The following AUTS2 variants were observed in gnomAD, a reference collection of about 807,000 sequenced individuals.
AUTS2 encodes autism susceptibility gene 2 protein.
A neutral mutation model predicts 112.4 loss-of-function variants in AUTS2; 17 were observed. The observed-to-expected ratio is 0.15, with a 90% CI of 0.10 to 0.23. The LOEUF is 0.23. Ranked by LOEUF, AUTS2 falls within the 10% of genes least tolerant of loss-of-function variation. AUTS2 has a pLI of 1.00. For synonymous variants in AUTS2, 751 were observed against 702.7 expected (o/e 1.07, Z -1.09); for missense variants, 1,510 against 1,701.6 (o/e 0.89, Z 1.98).
At chr7:70,395,105 A>T (rs893594874) in intron 4 of AUTS2, among the ~76,000 whole-genome samples, 1 of 151,552 alleles carries the variant, frequency 6.6e-6, no homozygotes, top group Non-Finnish European at 1.5e-5. Context: ...GAGGAGATTG[A>T]CCACTGTGGT....
intron 2 of AUTS2, among the ~76,000 whole-genome samples, chr7:70,056,063 C>A (rs2129560022): frequency 1.3e-5 from 2 of 152,212 alleles, no homozygotes; most frequent in Admixed American, 1.3e-4. Flanking sequence ...TCTTGGCTCA[C>A]TGCAACCTCC....
intron 1 of AUTS2, among the ~76,000 whole-genome samples, chr7:69,702,563 A>G (rs543202334): frequency 2.6e-5 from 4 of 152,146 alleles, no homozygotes; most frequent in Non-Finnish European, 5.9e-5. Flanking sequence ...TCATGGGGGC[A>G]GTGGTTACTA....
At position 70,722,166 on chromosome 7, in the gene AUTS2, A is replaced by G. The variant is rs200666111; in HGVS notation, c.742+23546A>G. 9.2e-5 allele frequency among the ~76,000 whole-genome samples: 14 copies of G among 152,160 alleles called. No homozygotes were observed. The East Asian group carries it at 2.7e-3, about 29-fold the overall frequency. ...GCCCCAACCCCTTTTAAAATCTTTAAATGACATCAGCAGTTTAAAGAGCCC... is the reference window on the plus strand; with the variant it reads ...GCCCCAACCCCTTTTAAAATCTTTAGATGACATCAGCAGTTTAAAGAGCCC... On this transcript the variant is annotated intron_variant, in intron 6 of 18. Transcript: ENST00000342771.
intron 1 of AUTS2, among the ~76,000 whole-genome samples, chr7:69,747,912 A>C (rs1787571820): frequency 6.6e-6 from 1 of 152,096 alleles, no homozygotes; most frequent in Admixed American, 6.6e-5. Flanking sequence ...GGCATGAAGC[A>C]TGCAGAGTTC....
At chr7:70,094,218 A>G (rs186067072) in intron 2 of AUTS2, among the ~76,000 whole-genome samples, 3 of 152,328 alleles carry the variant, frequency 2.0e-5, no homozygotes, top group African/African-American at 4.8e-5. Context: ...TCTAGGGGGA[A>G]TTATGTATGT....
At chr7:70,480,600 T>C (rs1418102417) in intron 5 of AUTS2, among the ~76,000 whole-genome samples, 1 of 152,148 alleles carries the variant, frequency 6.6e-6, no homozygotes. Context: ...AGATGATACG[T>C]ATACCCAAGA....
chr7:70,788,261 G>A (rs985084650), intron 18 of AUTS2, among the ~76,000 whole-genome samples: 9 of 151,920 alleles, frequency 5.9e-5, no homozygotes, highest in African/African-American at 1.7e-4. Flanking sequence ...AATTTGATCC[G>A]AATCTTTAAT....
chr7:70,151,335 C>T (rs1421596924), intron 4 of AUTS2, among the ~76,000 whole-genome samples: 1 of 152,162 alleles, frequency 6.6e-6, no homozygotes, highest in Non-Finnish European at 1.5e-5. Flanking sequence ...TAGCCAGGAA[C>T]AGTGCTGATT....
chr7:70,013,918 A>G (rs1415238022), intron 2 of AUTS2, among the ~76,000 whole-genome samples: 2 of 151,950 alleles, frequency 1.3e-5, no homozygotes, highest in African/African-American at 2.4e-5. Context: ...GATTTTCACC[A>G]TGTTGGCCAG....
At chr7:70,478,603 A>G (rs531194983) in intron 5 of AUTS2, among the ~76,000 whole-genome samples, 1 of 152,314 alleles carries the variant, frequency 6.6e-6, no homozygotes, top group South Asian at 2.1e-4. Context: ...ATATGCAAAT[A>G]TGATGGCACC....
At chr7:70,770,184 G>A (rs1368984757) in intron 10 of AUTS2, among the ~76,000 whole-genome samples, 1 of 152,188 alleles carries the variant, frequency 6.6e-6, no homozygotes, top group Non-Finnish European at 1.5e-5. Context: ...ATGCACTCAA[G>A]TATCTAAAAC....
At chr7:69,767,704 A>ATGTGAT (rs1283860846) in intron 1 of AUTS2, among the ~76,000 whole-genome samples, 1 of 152,176 alleles carries the variant, frequency 6.6e-6, no homozygotes, top group African/African-American at 2.4e-5. Context: ...TGGTTTATGT[A>ATGTGAT]TGTGATCATT....
intron 4 of AUTS2, among the ~76,000 whole-genome samples, chr7:70,163,366 G>GGGGGGGGGGGGGA (rs1808216651): frequency 8.7e-6 from 1 of 114,808 alleles, no homozygotes; most frequent in African/African-American, 3.1e-5. Context: ...GGGCAGAGGG[G>GGGGGGGGGGGGGA]GAGGGAGAAG....
At chr7:69,720,700 T>A (rs929844089) in intron 1 of AUTS2, among the ~76,000 whole-genome samples, 4 of 152,122 alleles carry the variant, frequency 2.6e-5, no homozygotes, top group Non-Finnish European at 5.9e-5. Flanking sequence ...TTGGGTAAGA[T>A]TTTATAAGTC....
intron 5 of AUTS2, among the ~76,000 whole-genome samples, chr7:70,640,045 A>C (rs1805730577): frequency 6.6e-6 from 1 of 152,114 alleles, no homozygotes; most frequent in Non-Finnish European, 1.5e-5. Flanking sequence ...TTTAGGGATT[A>C]AGGCTGTCAG....
intron 1 of AUTS2, among the ~76,000 whole-genome samples, chr7:69,654,694 T>A (rs1036265901): frequency 6.6e-6 from 1 of 152,196 alleles, no homozygotes; most frequent in South Asian, 2.1e-4. Flanking sequence ...CCAGGATAGC[T>A]GGACTTGTGA....
At position 70,295,260 on chromosome 7, in the gene AUTS2, A is replaced by G. The variant is rs370253641; in HGVS notation, c.661-140492A>G. Reference sequence around the variant, plus strand: ...CTATCTGTCTATTAAGTGGCATTCTAGTGGCCTCCAAGAGTTGAGTACTTT... The same window carrying G: ...CTATCTGTCTATTAAGTGGCATTCTGGTGGCCTCCAAGAGTTGAGTACTTT... On this transcript the variant is annotated intron_variant, in intron 4 of 18. Coordinates refer to ENST00000342771, the MANE Select transcript of AUTS2 (RefSeq NM_015570.4). Among the ~76,000 whole-genome samples the G allele has an allele frequency of 6.6e-5, 10 of 152,276 alleles. No individual in the cohort carries two copies. In the East Asian group the frequency reaches 1.7e-3, roughly 26 times the overall value.
chr7:69,710,715 C>G (rs750533552), intron 1 of AUTS2, among the ~76,000 whole-genome samples: 2 of 152,230 alleles, frequency 1.3e-5, no homozygotes, highest in Non-Finnish European at 2.9e-5. Context: ...TGGCTCGACT[C>G]TGACTGTGAA....
At chr7:69,691,706 C>G (rs1797354244) in intron 1 of AUTS2, among the ~76,000 whole-genome samples, 1 of 151,750 alleles carries the variant, frequency 6.6e-6, no homozygotes, top group African/African-American at 2.4e-5. Context: ...GCAGCTGTGC[C>G]CAGGAGTGCA....
Sources: gnomAD v4.1 joint callset for allele counts (sites outside exome capture counted in the v4.1 genomes callset) on GRCh38, gnomAD v4.1.1 for gene constraint, MANE v1.5 for transcripts, NCBI Gene and HGNC (gene_info 2026-07-23, HGNC 2026-07-21) for gene names.